The following DOCK3 variants were observed in gnomAD, a reference collection of about 807,000 sequenced individuals.
The protein encoded by DOCK3 is dedicator of cytokinesis protein 3.
DOCK3 carries 60 observed loss-of-function variants against 265.6 expected under a neutral mutation model. That is an observed-to-expected ratio of 0.23 (90% confidence interval 0.18 to 0.28). The LOEUF is 0.28. DOCK3 is among the 10% of genes least tolerant of loss of function. The pLI, the probability that DOCK3 is intolerant of heterozygous loss-of-function variation, is 1.00. For synonymous variants in DOCK3, 881 were observed against 938.0 expected (o/e 0.94, Z 1.11); for missense variants, 1,981 against 2,594.3 (o/e 0.76, Z 5.14).
At chr3:51,305,190 A>G (rs1266622068) in intron 27 of DOCK3, among the ~76,000 whole-genome samples, 1 of 152,122 alleles carries the variant, frequency 6.6e-6, no homozygotes, top group Non-Finnish European at 1.5e-5. Flanking sequence ...ATTGTCTACT[A>G]TTACTTTCCA....
rs368544926 is a variant in DOCK3, at chr3:51,357,055, G to A, written c.4597G>A (p.Val1533Met). The A allele has an allele frequency of 6.2e-6, 10 of 1,613,324 alleles. No homozygotes were observed. The highest frequency in any genetic ancestry group is 8.5e-6 in the Non-Finnish European group (10 of 1,179,892). The part of the protein sequence containing the change: ...SLISQYQHKQ[V>M]HGNINLLSMC... ...GATCAGCCAGTATCAACACAAGCAG[G>A]TGCATGGCAACATTAACCTGCTAAG... The change falls in exon 44 of 53, where the codon GTG becomes ATG. Residue 1533 changes from valine (V) to methionine (M), a missense_variant. By Grantham distance (21) the Val-to-Met change is conservative (BLOSUM62 1). Around this residue, in one of 4 missense-constraint regions of DOCK3, gnomAD observed 1,357 missense variants for 1,866.8 expected, o/e 0.73. Coordinates refer to ENST00000266037, the MANE Select transcript of DOCK3 (RefSeq NM_004947.5).
intron 2 of DOCK3, among the ~76,000 whole-genome samples, chr3:50,834,517 A>G (rs1396876224): frequency 1.3e-5 from 2 of 152,178 alleles, no homozygotes; most frequent in African/African-American, 4.8e-5. Context: ...ACACCATTTC[A>G]TATTTGACAG....
chr3:50,749,953 C>G (rs2039683879), intron 1 of DOCK3, among the ~76,000 whole-genome samples: 1 of 152,122 alleles, frequency 6.6e-6, no homozygotes, highest in Non-Finnish European at 1.5e-5. Flanking sequence ...ACGCAGGGGC[C>G]CCCAACCCCT....
intron 3 of DOCK3, among the ~76,000 whole-genome samples, chr3:50,874,813 T>G (rs556728313): frequency 6.6e-6 from 1 of 152,176 alleles, no homozygotes; most frequent in Non-Finnish European, 1.5e-5. Context: ...ACTGAATACG[T>G]TTTTCAGTTC....
At chr3:51,149,912 A>G (rs1007836652) in intron 10 of DOCK3, among the ~76,000 whole-genome samples, 3 of 152,180 alleles carry the variant, frequency 2.0e-5, no homozygotes, top group Non-Finnish European at 4.4e-5. Context: ...TTCAGAAGGA[A>G]TGGTACCAGC....
intron 12 of DOCK3, among the ~76,000 whole-genome samples, chr3:51,192,472 G>A (rs993142435): frequency 7.9e-5 from 12 of 151,890 alleles, no homozygotes; most frequent in African/African-American, 2.9e-4. Flanking sequence ...CACAGAGGAA[G>A]GCCTTAACCC....
At chr3:51,029,499 G>A (rs1051114793) in intron 5 of DOCK3, among the ~76,000 whole-genome samples, 6 of 152,204 alleles carry the variant, frequency 3.9e-5, no homozygotes, top group Non-Finnish European at 4.4e-5. Context: ...TGCCATGTCT[G>A]CAACAGTGCA....
At chr3:51,342,561 T>C (rs2085310623) in intron 38 of DOCK3, among the ~76,000 whole-genome samples, 1 of 152,230 alleles carries the variant, frequency 6.6e-6, no homozygotes. Context: ...GGGAATGACA[T>C]AAGCGTGGTG....
intron 12 of DOCK3, among the ~76,000 whole-genome samples, chr3:51,168,288 A>T (rs1379579639): frequency 6.6e-6 from 1 of 152,246 alleles, no homozygotes; most frequent in Non-Finnish European, 1.5e-5. Flanking sequence ...GGCTAAGGCA[A>T]TCCTAAGCAA....
rs1225911470 is a variant in DOCK3, at chr3:51,338,360, G to C, written c.3613G>C (p.Asp1205His). 2.6e-6 allele frequency: 4 copies of C among 1,551,576 alleles called. No individual in the cohort carries two copies. The highest frequency in any genetic ancestry group is 3.9e-5 in the Admixed American group (2 of 50,986). ...GCTCATCTGTGCTCTCTCTTCCAGG[G>C]ACTGCATGAAAGGAGAGGAAACAGA... ...RLMERLLDYRDCMKGEETENK... is the reference protein window; with the variant it reads ...RLMERLLDYRHCMKGEETENK... The change falls in exon 36 of 53, where the codon GAC becomes CAC. Residue 1205 changes from aspartate (D) to histidine (H), a missense_variant and splice_region_variant. By Grantham distance (81) the Asp-to-His change is moderately conservative. This residue lies in a region of DOCK3 where 1,357 missense variants were observed against 1,866.8 expected (regional missense o/e 0.73). Transcript: ENST00000266037.
chr3:51,041,204 A>ATTT (rs1183149090), intron 5 of DOCK3, among the ~76,000 whole-genome samples: 8 of 14,782 alleles, frequency 5.4e-4, no homozygotes, highest in African/African-American at 1.7e-3. Context: ...ATATATATAT[A>ATTT]TTTTTTTTTT....
chr3:51,236,514 G>A, intron 20 of DOCK3, 86 bp downstream of exon 20: 2 of 1,195,922 alleles, frequency 1.7e-6, no homozygotes, highest in South Asian at 1.3e-5. Flanking sequence ...TTATTAGAGT[G>A]AATCAGCACA....
At chr3:50,926,033 A>G (rs113985645) in intron 4 of DOCK3, among the ~76,000 whole-genome samples, 1 of 151,916 alleles carries the variant, frequency 6.6e-6, no homozygotes, top group African/African-American at 2.4e-5. Context: ...GGGTTTTACC[A>G]TGTCGGCCAG....
intron 1 of DOCK3, among the ~76,000 whole-genome samples, chr3:50,762,616 A>G (rs532267903): frequency 2.6e-5 from 4 of 152,246 alleles, no homozygotes; most frequent in South Asian, 2.1e-4. Flanking sequence ...TTTGTACCCT[A>G]CTTTCTGATC....
intron 28 of DOCK3, among the ~76,000 whole-genome samples, chr3:51,310,556 C>A (rs1432595681): frequency 1.3e-5 from 2 of 152,172 alleles, no homozygotes; most frequent in Non-Finnish European, 1.5e-5. Flanking sequence ...GAGAAGGGTT[C>A]TTCCTTGAGG....
At chr3:51,212,258 C>T (rs1429219874) in intron 13 of DOCK3, among the ~76,000 whole-genome samples, 2 of 152,176 alleles carry the variant, frequency 1.3e-5, no homozygotes, top group Non-Finnish European at 2.9e-5. Context: ...TTCAGGATCC[C>T]TTTGGGTAGC....
intron 2 of DOCK3, among the ~76,000 whole-genome samples, chr3:50,812,593 C>G (rs2043826689): frequency 6.6e-6 from 1 of 152,174 alleles, no homozygotes; most frequent in African/African-American, 2.4e-5. Flanking sequence ...GGCAGAAGAC[C>G]AGTGTTCCAG....
chr3:50,893,427 A>G (rs572041933), intron 4 of DOCK3, among the ~76,000 whole-genome samples: 10 of 152,278 alleles, frequency 6.6e-5, no homozygotes, highest in African/African-American at 2.4e-4. Context: ...AGAAACCATA[A>G]GAAAGCAAAG....
chr3:50,796,411 T>C (rs1319018639), intron 2 of DOCK3, among the ~76,000 whole-genome samples: 1 of 151,688 alleles, frequency 6.6e-6, no homozygotes, highest in East Asian at 1.9e-4. Flanking sequence ...CAATCTTGGC[T>C]CACTGCAACC....
Sources: allele counts gnomAD v4.1 joint callset (sites outside exome capture counted in the v4.1 genomes callset), GRCh38; gene constraint gnomAD v4.1.1; regional missense constraint gnomAD v4.1.1; transcripts MANE v1.5; gene names NCBI Gene and HGNC (gene_info 2026-07-23, HGNC 2026-07-21).